Variants in TNIK observed in about 807,000 individuals in gnomAD.
The protein encoded by TNIK is TRAF2 and NCK interacting kinase.
In TNIK, 49 loss-of-function variants were observed where a neutral mutation model predicts 191.3. That is an observed-to-expected ratio of 0.26 (90% CI 0.20 to 0.32). The LOEUF is 0.32. Among genes scored for constraint, TNIK ranks in the 10% least tolerant of loss-of-function variants. The pLI, the probability that TNIK is intolerant of heterozygous loss-of-function variation, is 1.00. For synonymous variants in TNIK, 594 were observed against 600.9 expected (o/e 0.99, Z 0.17); for missense variants, 1,155 against 1,702.3 (o/e 0.68, Z 5.66).
At chr3:171,070,540 G>A (rs1236812212) in intron 29 of TNIK, among the ~76,000 whole-genome samples, 1 of 152,128 alleles carries the variant, frequency 6.6e-6, no homozygotes, top group Non-Finnish European at 1.5e-5. Context: ...ATGCGGCTCT[G>A]AACACATCTG....
At chr3:171,146,551 C>T (rs1731615837) in intron 12 of TNIK, among the ~76,000 whole-genome samples, 1 of 152,072 alleles carries the variant, frequency 6.6e-6, no homozygotes, top group Non-Finnish European at 1.5e-5. Flanking sequence ...AGATTCTGGT[C>T]CTGCACTGCC....
At chr3:171,252,478 CAT>C (rs1309768804) in intron 2 of TNIK, among the ~76,000 whole-genome samples, 2 of 152,182 alleles carry the variant, frequency 1.3e-5, no homozygotes, top group African/African-American at 4.8e-5. Context: ...CTGAAAGTGT[CAT>C]AAATTTCCAT....
chr3:171,284,433 G>C (rs540861795), intron 2 of TNIK, among the ~76,000 whole-genome samples: 19 of 151,882 alleles, frequency 1.3e-4, no homozygotes, highest in Non-Finnish European at 2.6e-4. Context: ...CGCTTTCCAG[G>C]GCAGCTCAAA....
chr3:171,188,931 C>T, intron 6 of TNIK, 99 bp from the exon 7 acceptor site: 2 of 1,423,940 alleles, frequency 1.4e-6, no homozygotes, highest in Non-Finnish European at 1.9e-6. Context: ...ACATAAGTAA[C>T]ATAAAGTGTA....
intron 2 of TNIK, among the ~76,000 whole-genome samples, chr3:171,230,664 C>G (rs1459522579): frequency 6.6e-6 from 1 of 152,150 alleles, no homozygotes; most frequent in Non-Finnish European, 1.5e-5. Flanking sequence ...GCCTTCTTGA[C>G]TCCTCAGACA....
At chr3:171,209,328 T>A (rs1740503211) in intron 4 of TNIK, among the ~76,000 whole-genome samples, 1 of 152,166 alleles carries the variant, frequency 6.6e-6, no homozygotes, top group African/African-American at 2.4e-5. Flanking sequence ...CTTAACTCAA[T>A]CTTGCTATTA....
intron 2 of TNIK, among the ~76,000 whole-genome samples, chr3:171,262,473 T>A (rs1355606465): frequency 1.3e-5 from 2 of 152,126 alleles, no homozygotes; most frequent in Admixed American, 1.3e-4. Flanking sequence ...TAAAATACTC[T>A]GAAAGATAAA....
At chr3:171,138,080 A>G (rs1730292755) in intron 15 of TNIK, 111 bp downstream of exon 15, 1 of 1,029,636 alleles carries the variant, frequency 9.7e-7, no homozygotes, top group Non-Finnish European at 1.3e-6. Flanking sequence ...GTGTCTTATG[A>G]TGAATTGTTT....
chr3:171,340,931 GA>G (rs1255686823), intron 2 of TNIK, among the ~76,000 whole-genome samples: 1 of 151,812 alleles, frequency 6.6e-6, no homozygotes, highest in East Asian at 1.9e-4. Context: ...TACAAATTTG[GA>G]AATAAGTAAG....
intron 15 of TNIK, among the ~76,000 whole-genome samples, chr3:171,134,652 C>A (rs1488701095): frequency 6.6e-6 from 1 of 152,116 alleles, no homozygotes; most frequent in Non-Finnish European, 1.5e-5. Flanking sequence ...ACATCCAGGA[C>A]AGAAAGAATA....
In TNIK at chr3:171,093,944, G is replaced by A. The variant is rs371972774; in HGVS notation, c.2616C>T (p.Asn872=). Residue 872 remains asparagine, a synonymous_variant, in exon 23 of 33, where the codon AAC becomes AAT. Coordinates refer to ENST00000436636, the MANE Select transcript of TNIK (RefSeq NM_015028.4). The part of the protein sequence containing the change: ...RLIPTGAPGS[N]EQYNVGMVGT... ...CCACCATTCCCACATTGTACTGCTC[G>A]TTGCTGCCTGGAGCTCCTGTTGGTC... The A allele has an allele frequency of 3.9e-4, 623 of 1,612,896 alleles. 2 individuals carry two copies. The highest frequency in any genetic ancestry group is 1.2e-3 in the South Asian group (111 of 90,812).
At chr3:171,284,612 A>AT (rs942043417) in intron 2 of TNIK, among the ~76,000 whole-genome samples, 50 of 144,020 alleles carry the variant, frequency 3.5e-4, no homozygotes, top group Admixed American at 1.0e-3. Context: ...GCATGCTAAA[A>AT]AAAAAATAAA....
At chr3:171,226,282 G>A (rs1742954305) in intron 3 of TNIK, among the ~76,000 whole-genome samples, 1 of 152,144 alleles carries the variant, frequency 6.6e-6, no homozygotes, top group South Asian at 2.1e-4. Flanking sequence ...ATATTTCACT[G>A]GAAGGGGCTC....
intron 7 of TNIK, among the ~76,000 whole-genome samples, chr3:171,183,791 G>T (rs748085363): frequency 3.3e-5 from 5 of 151,904 alleles, no homozygotes; most frequent in Admixed American, 6.5e-5. Context: ...CGTGGTGGCG[G>T]GCGCCTGTAA....
intron 1 of TNIK, among the ~76,000 whole-genome samples, chr3:171,459,789 C>T (rs1487157977): frequency 6.6e-6 from 1 of 152,046 alleles, no homozygotes; most frequent in Non-Finnish European, 1.5e-5. Context: ...AGAGCCTAAG[C>T]CACGGCCAGA....
chr3:171,256,695 C>T (rs1250098217), intron 2 of TNIK, among the ~76,000 whole-genome samples: 2 of 152,128 alleles, frequency 1.3e-5, no homozygotes, highest in Admixed American at 6.5e-5. Context: ...AAAGAGAAGC[C>T]ATTTATTACC....
intron 1 of TNIK, among the ~76,000 whole-genome samples, chr3:171,407,417 G>A (rs1334403754): frequency 6.6e-6 from 1 of 152,146 alleles, no homozygotes; most frequent in South Asian, 2.1e-4. Context: ...TGTTGCTTTG[G>A]TCCATTTCTT....
intron 2 of TNIK, among the ~76,000 whole-genome samples, chr3:171,231,721 G>C (rs893774334): frequency 2.0e-5 from 3 of 152,140 alleles, no homozygotes; most frequent in African/African-American, 7.2e-5. Context: ...CCGACCTAAA[G>C]CTCACTAGGA....
chr3:171,271,916 T>C, intron 2 of TNIK, among the ~76,000 whole-genome samples: 1 of 152,246 alleles, frequency 6.6e-6, no homozygotes. Flanking sequence ...GATTCTTGCC[T>C]GAACCCCTTA....
Sources: allele counts gnomAD v4.1 joint callset (sites outside exome capture counted in the v4.1 genomes callset), GRCh38; gene constraint gnomAD v4.1.1; transcripts MANE v1.5; gene names NCBI Gene and HGNC (gene_info 2026-07-23, HGNC 2026-07-21).